Variants in CYB5RL observed in about 807,000 individuals in gnomAD.
The protein encoded by CYB5RL is cytochrome b5 reductase like.
A neutral mutation model predicts 37.5 loss-of-function variants in CYB5RL; 38 were observed. The ratio of observed to expected loss-of-function variants is 1.01; its 90% confidence interval spans 0.78 to 1.33. The LOEUF (loss-of-function observed/expected upper bound fraction) is 1.33. Ranked by LOEUF, CYB5RL falls within the 40% of genes most tolerant of loss-of-function variation. The pLI, the probability that CYB5RL is intolerant of heterozygous loss-of-function variation, is 0.00. For missense variants in CYB5RL, 388 were observed against 394.4 expected, an observed-to-expected ratio of 0.98 and a Z score of 0.14; for synonymous variants, 141 against 151.9, an observed-to-expected ratio of 0.93 and a Z score of 0.53.
chr1:54,179,507 A>G (rs1362203146), intron 6 of CYB5RL, among the ~76,000 whole-genome samples, 155 bp from the exon 7 acceptor site: 1 of 152,156 alleles, frequency 6.6e-6, no homozygotes, highest in Non-Finnish European at 1.5e-5. Context: ...CTCCTCCAGA[A>G]AGCCGTCCTT....
chr1:54,174,127 G>A lies in CYB5RL; in HGVS notation c.*492C>T. 5.5e-6 allele frequency: 1 copy of A among 182,694 alleles called. No individual in the cohort carries two copies. The highest frequency in any genetic ancestry group is 1.2e-5 in the Non-Finnish European group (1 of 84,086). 11.3% of individuals were successfully genotyped at this position (182,694 alleles called of 1,614,324 possible). A position where few individuals can be genotyped will look rare whatever the true frequency, so the allele number is the denominator to read the frequency against. Reference sequence around the variant, plus strand: ...AAGACCTTCATGTGTCAGGCTCATGGCACTGGAGGAAAGGCAGAATCCTCC... The same window carrying A: ...AAGACCTTCATGTGTCAGGCTCATGACACTGGAGGAAAGGCAGAATCCTCC... On this transcript the variant is annotated 3_prime_UTR_variant, in exon 8 of 8. Coordinates refer to ENST00000534324, the MANE Select transcript of CYB5RL (RefSeq NM_001031672.4).
chr1:54,175,723 CA>C (rs1366574252), intron 7 of CYB5RL: 3 of 416,136 alleles, frequency 7.2e-6, no homozygotes, highest in South Asian at 3.4e-5. Context: ...TAGAAACACA[CA>C]AAAAATACAG....
At chr1:54,180,779 C>A (rs1230593397) in intron 6 of CYB5RL, among the ~76,000 whole-genome samples, 1 of 152,074 alleles carries the variant, frequency 6.6e-6, no homozygotes, top group Non-Finnish European at 1.5e-5. Context: ...TCAGTGTCCT[C>A]ACTGGTAAAA....
chr1:54,188,309 A>G (rs1643920472), intron 4 of CYB5RL, among the ~76,000 whole-genome samples: 1 of 152,240 alleles, frequency 6.6e-6, no homozygotes, highest in African/African-American at 2.4e-5. Context: ...CTGGGACTAC[A>G]GATGGGAGAG....
At position 54,170,717 on chromosome 1, in the gene CYB5RL, CA is replaced by C; in HGVS notation, c.*3901del. 5.0e-6 allele frequency: 1 copy of C among 200,286 alleles called. No individual in the cohort carries two copies. Among genetic ancestry groups the C allele is most frequent in the Admixed American group, 5.2e-5 (1 of 19,190 alleles). The allele number at this position is 200,286 out of a possible 1,614,324, so 12.4% of individuals were successfully genotyped here. ...TGAGCCACCGCGCCCGGCCCAGTAA[CA>C]ATCTTTATACACATCTCTGGTTGCA... is the stretch of plus-strand genomic sequence containing the variant. On this transcript the variant is annotated 3_prime_UTR_variant, in exon 8 of 8. Coordinates refer to ENST00000534324, the MANE Select transcript of CYB5RL (RefSeq NM_001031672.4).
intron 3 of CYB5RL, among the ~76,000 whole-genome samples, chr1:54,194,243 G>A (rs1228505557): frequency 6.6e-6 from 1 of 151,716 alleles, no homozygotes; most frequent in Non-Finnish European, 1.5e-5. Context: ...GGTGGCACAT[G>A]CCTGTAATCC....
intron 5 of CYB5RL, among the ~76,000 whole-genome samples, chr1:54,186,916 TATAAC>T (rs1643905520): frequency 6.6e-6 from 1 of 152,020 alleles, no homozygotes; most frequent in Non-Finnish European, 1.5e-5. Context: ...AGTCATGTCT[TATAAC>T]ATAGATTAAG....
chr1:54,185,471 TGGAA>T (rs1660266056), intron 5 of CYB5RL: 1 of 152,286 alleles, frequency 6.6e-6, no homozygotes, highest in African/African-American at 2.4e-5. Context: ...GAGACAGGAC[TGGAA>T]GGGTGTTTGG....
At chr1:54,178,162 C>T (rs868331969) in intron 7 of CYB5RL, among the ~76,000 whole-genome samples, 1 of 152,216 alleles carries the variant, frequency 6.6e-6, no homozygotes, top group Non-Finnish European at 1.5e-5. Context: ...AGAACCCAGC[C>T]CCTGGGGAGC....
intron 4 of CYB5RL, among the ~76,000 whole-genome samples, chr1:54,188,201 C>T (rs7545435): frequency 0.043 from 6,552 of 152,298 alleles, 371 homozygotes; most frequent in East Asian, 0.26. Context: ...TCATCCACTG[C>T]CACGTGCTGG....
At chr1:54,184,312 C>T (rs755612306) in intron 5 of CYB5RL, 47 bp from the exon 6 acceptor site, 1 of 1,506,568 alleles carries the variant, frequency 6.6e-7, no homozygotes, top group East Asian at 2.3e-5. Context: ...TACATGCTGC[C>T]AACACAAACC....
At chr1:54,190,367 C>G (rs1263444452) in intron 4 of CYB5RL, among the ~76,000 whole-genome samples, 3 of 152,334 alleles carry the variant, frequency 2.0e-5, no homozygotes, top group Admixed American at 2.0e-4. Context: ...AGCCACATTG[C>G]TTGCCTTCAA....
At chr1:54,182,534 A>G (rs776133935) in intron 6 of CYB5RL, among the ~76,000 whole-genome samples, 7 of 151,806 alleles carry the variant, frequency 4.6e-5, no homozygotes, top group Non-Finnish European at 8.8e-5. Flanking sequence ...CTGCATTTAT[A>G]AAAGGAAAAA....
At chr1:54,183,212 T>C (rs770667946) in intron 6 of CYB5RL, among the ~76,000 whole-genome samples, 17 of 152,234 alleles carry the variant, frequency 1.1e-4, no homozygotes, top group Admixed American at 6.5e-5. Context: ...CAAGTACCTG[T>C]AGCCCGGTTT....
chr1:54,191,405 C>A (rs558147371), intron 3 of CYB5RL, among the ~76,000 whole-genome samples: 1 of 152,128 alleles, frequency 6.6e-6, no homozygotes, highest in African/African-American at 2.4e-5. Flanking sequence ...AATGTCTAAC[C>A]CAATATCTGT....
chr1:54,171,238 A>G lies in CYB5RL; in HGVS notation c.*3381T>C, dbSNP rs1247009613. ...GCCAGGCAGAGGAAGCAGCGAGTGTAAGGGATGAGCTGACGCAAGAGAACA... is the reference window on the plus strand; with the variant it reads ...GCCAGGCAGAGGAAGCAGCGAGTGTGAGGGATGAGCTGACGCAAGAGAACA... On this transcript the variant is annotated 3_prime_UTR_variant, in exon 8 of 8. Coordinates refer to ENST00000534324, the MANE Select transcript of CYB5RL (RefSeq NM_001031672.4). The G allele has an allele frequency of 2.2e-6, 1 of 455,914 alleles. No homozygotes were observed. The highest frequency in any genetic ancestry group is 4.4e-6 in the Non-Finnish European group (1 of 226,752). 28.2% of individuals were successfully genotyped at this position (455,914 alleles called of 1,614,324 possible).
chr1:54,185,930 C>T (rs150554196), intron 5 of CYB5RL: 1,751 of 156,182 alleles, frequency 0.011, 18 homozygotes, highest in Non-Finnish European at 0.016. Flanking sequence ...GAATAAGTCT[C>T]ATGAGATCTG....
At chr1:54,190,361 A>C (rs1643939520) in intron 4 of CYB5RL, among the ~76,000 whole-genome samples, 1 of 152,242 alleles carries the variant, frequency 6.6e-6, no homozygotes, top group South Asian at 2.1e-4. Context: ...CTCTAAAGCC[A>C]CATTGCTTGC....
intron 7 of CYB5RL, among the ~76,000 whole-genome samples, chr1:54,178,857 G>A (rs1378370391): frequency 6.6e-6 from 1 of 152,240 alleles, no homozygotes; most frequent in East Asian, 1.9e-4. Flanking sequence ...AGGCAGTAAC[G>A]CATGGGGTGA....
Sources: gnomAD v4.1 joint callset for allele counts (sites outside exome capture counted in the v4.1 genomes callset) on GRCh38, gnomAD v4.1.1 for gene constraint, MANE v1.5 for transcripts, NCBI Gene and HGNC (gene_info 2026-07-23, HGNC 2026-07-21) for gene names.